The following NEK3 variants were observed in gnomAD, a reference collection of about 807,000 sequenced individuals.
NEK3 encodes serine/threonine-protein kinase Nek3.
A neutral mutation model predicts 66.0 loss-of-function variants in NEK3; 54 were observed. The observed-to-expected ratio is 0.82, with a 90% CI of 0.66 to 1.03. The LOEUF is 1.03. NEK3 is among the 50% of genes least tolerant of loss of function. NEK3 has a pLI of 0.00. For synonymous variants in NEK3, 200 were observed against 206.2 expected, an observed-to-expected ratio of 0.97 and a Z score of 0.26; for missense variants, 593 against 603.0, an observed-to-expected ratio of 0.98 and a Z score of 0.17.
chr13:52,153,999 C>T lies in NEK3; in HGVS notation c.212-7G>A, dbSNP rs551509121. ...ATATACAAGTGTCCTTCAGCTAAAA[C>T]AGATATAAGCTCTTTAGAAAAGCTG... is the stretch of plus-strand genomic sequence containing the variant. On this transcript the variant is annotated splice_polypyrimidine_tract_variant and splice_region_variant and intron_variant, in intron 3 of 15. Transcript: ENST00000610828. The T allele has an allele frequency of 5.0e-6, 8 of 1,608,892 alleles. No individual in the cohort carries two copies. The highest frequency in any genetic ancestry group is 1.7e-4 in the Middle Eastern group (1 of 6,042).
In NEK3 at chr13:52,144,789, G is replaced by A. The variant is rs769992143; in HGVS notation, c.706C>T (p.Gln236Ter). 1 of 1,613,594 alleles carries A rather than the reference G, an allele frequency of 6.2e-7. No homozygotes were observed. The highest frequency in any genetic ancestry group is 8.5e-7 in the Non-Finnish European group (1 of 1,179,658). The part of the protein sequence containing the change: ...YSYELQFLVK[Q>*]MFKRNPSHRP... ...TGTGAGGGATTCCTTTTAAACATCTGCTTGACTAGGAACTGAAGTTCATAG... is the reference window on the plus strand; with the variant it reads ...TGTGAGGGATTCCTTTTAAACATCTACTTGACTAGGAACTGAAGTTCATAG... The change falls in exon 9 of 16, where the codon CAG becomes TAG. Residue 236 changes from glutamine to a stop codon, truncating the protein, a stop_gained. Coordinates refer to ENST00000610828, the MANE Select transcript of NEK3 (RefSeq NM_002498.3). LOFTEE classifies it high-confidence loss of function.
At chr13:52,157,201 A>C (rs1956402813) in intron 1 of NEK3, 1 of 152,230 alleles carries the variant, frequency 6.6e-6, no homozygotes, top group Admixed American at 6.5e-5. Context: ...ATTCACTCAG[A>C]TTGCAGATTA....
At chr13:52,136,057 T>C (rs1024249125) in intron 13 of NEK3, 59 bp downstream of exon 13, 49 of 1,593,356 alleles carry the variant, frequency 3.1e-5, no homozygotes, top group Non-Finnish European at 3.8e-5. Flanking sequence ...CTAAGTGCAC[T>C]AAGTAACTAT....
At chr13:52,142,113 TA>T (rs1033245550) in intron 10 of NEK3, among the ~76,000 whole-genome samples, 2 of 151,362 alleles carry the variant, frequency 1.3e-5, no homozygotes, top group East Asian at 3.9e-4. Context: ...AAAGTTAATT[TA>T]AAAAAAACCC....
chr13:52,138,597 G>C lies in NEK3; in HGVS notation c.928-1695C>G, dbSNP rs184482269. On this transcript the variant is annotated intron_variant, in intron 11 of 15. Transcript: ENST00000610828. ...TAATTACTAGTACATTCCATGAAGA[G>C]AGCAATTTGTTGTCATACAACATCT... is the stretch of plus-strand genomic sequence containing the variant. Among the ~76,000 whole-genome samples, 136 of 152,280 alleles carry C rather than the reference G, an allele frequency of 8.9e-4. No homozygotes were observed. The East Asian group carries it at 0.015, about 17-fold the overall frequency.
chr13:52,151,395 G>A lies in NEK3; in HGVS notation c.394-3C>T. The A allele has an allele frequency of 6.3e-7, 1 of 1,576,364 alleles. No homozygotes were observed. Among genetic ancestry groups the A allele is most frequent in the Non-Finnish European group, 8.6e-7 (1 of 1,160,144 alleles). ...CCATTCTGAGTGAGGAAGATATTCT[G>A]CATTTAAAAAGAAAAGCTCAGATTA... On this transcript the variant is annotated splice_region_variant and splice_polypyrimidine_tract_variant and intron_variant, in intron 5 of 15. Coordinates refer to ENST00000610828, the MANE Select transcript of NEK3 (RefSeq NM_002498.3).
intron 14 of NEK3, among the ~76,000 whole-genome samples, chr13:52,134,362 G>A (rs113222979): frequency 1.3e-5 from 2 of 151,970 alleles, no homozygotes; most frequent in African/African-American, 4.8e-5. Context: ...AAAAAAACTC[G>A]GAAAATTGCC....
intron 10 of NEK3, among the ~76,000 whole-genome samples, chr13:52,141,498 CAGG>C (rs1350739066): frequency 6.6e-6 from 1 of 152,134 alleles, no homozygotes; most frequent in Non-Finnish European, 1.5e-5. Context: ...AAGAGACCAG[CAGG>C]AGGAGTCAGG....
Position 52,133,767 on chromosome 13 carries a change from G to A in NEK3, c.1358C>T (p.Ser453Leu), listed in dbSNP as rs374987164. 1,633 of 1,593,054 alleles carry A rather than the reference G, an allele frequency of 1.0e-3. 38 individuals carry two copies. In the South Asian group the frequency reaches 0.017, roughly 17 times the overall value. The change falls in exon 15 of 16, where the codon TCG becomes TTG. Residue 453 changes from serine to leucine, a missense_variant. By Grantham distance (145) the Ser-to-Leu change is moderately radical (BLOSUM62 -2). Coordinates refer to ENST00000610828, the MANE Select transcript of NEK3 (RefSeq NM_002498.3). ...ATCGTGACCTCCATCAACACTGTCC[G>A]ATGCTTCTGTTTCTTCAGACAGGGG... Reference protein sequence around the residue: ...KGPLSEETEASDSVDGGHDSV... With the variant: ...KGPLSEETEALDSVDGGHDSV...
chr13:52,139,967 C>T (rs756690874), intron 11 of NEK3, among the ~76,000 whole-genome samples: 2 of 148,460 alleles, frequency 1.3e-5, no homozygotes, highest in African/African-American at 5.0e-5. Flanking sequence ...TTTAAGAGGC[C>T]GAGGCGGGAG....
At chr13:52,149,070 G>A (rs1395114084) in intron 7 of NEK3, among the ~76,000 whole-genome samples, 6 of 148,146 alleles carry the variant, frequency 4.1e-5, no homozygotes, top group Non-Finnish European at 6.0e-5. Flanking sequence ...TTTTTTTTTT[G>A]TATTTGTTTT....
chr13:52,137,125 A>G (rs550155519), intron 11 of NEK3, among the ~76,000 whole-genome samples: 1 of 152,148 alleles, frequency 6.6e-6, no homozygotes, highest in African/African-American at 2.4e-5. Context: ...ATACATGTAT[A>G]TATTAATAGA....
At chr13:52,138,603 T>A (rs61957235) in intron 11 of NEK3, among the ~76,000 whole-genome samples, 3,382 of 152,268 alleles carry the variant, frequency 0.022, 67 homozygotes, top group Middle Eastern at 0.037. Flanking sequence ...AAGAGAGCAA[T>A]TTGTTGTCAT....
chr13:52,154,971 GA>G (rs1249098479), intron 2 of NEK3, among the ~76,000 whole-genome samples: 3 of 151,398 alleles, frequency 2.0e-5, no homozygotes, highest in African/African-American at 2.4e-5. Flanking sequence ...TTTTAAAAAA[GA>G]AAGAAAAGAA....
intron 4 of NEK3, among the ~76,000 whole-genome samples, chr13:52,153,104 T>C (rs1268222107): frequency 6.6e-6 from 1 of 152,156 alleles, no homozygotes; most frequent in African/African-American, 2.4e-5. Flanking sequence ...AAAGATTTCA[T>C]TATATCATAA....
chr13:52,135,765 T>C lies in NEK3; in HGVS notation c.1273A>G (p.Ser425Gly). The C allele has an allele frequency of 1.9e-6, 3 of 1,613,518 alleles. No individual in the cohort carries two copies. Among genetic ancestry groups the C allele is most frequent in the Non-Finnish European group, 2.5e-6 (3 of 1,179,568 alleles). ...LLNILKNADL[S>G]LAFQTYTIYR... is the part of the protein sequence containing the mutation. ...ATTGTGTATGTTTGAAAAGCCAAGC[T>C]GAGATCAGCATTCTTAAGGATGTTC... Residue 425 changes from serine to glycine, a missense_variant, in exon 14 of 16, where the codon AGC (serine) becomes GGC (glycine). Transcript: ENST00000610828.
intron 7 of NEK3, among the ~76,000 whole-genome samples, chr13:52,148,736 C>T (rs17482550): frequency 0.018 from 2,731 of 152,210 alleles, 79 homozygotes; most frequent in Admixed American, 0.082. Flanking sequence ...GGAATATTTG[C>T]GGACTCAGAT....
chr13:52,135,900 A>G, intron 13 of NEK3, 37 bp from the exon 14 acceptor site: 1 of 1,596,022 alleles, frequency 6.3e-7, no homozygotes, highest in Non-Finnish European at 8.5e-7. Flanking sequence ...GCTGAATAAA[A>G]AAAGATTTTT....
Position 52,136,158 on chromosome 13 carries a change from C to T in NEK3, c.1132G>A (p.Ala378Thr). The change falls in exon 13 of 16, where the codon GCA (alanine) becomes ACA (threonine). Residue 378 changes from alanine to threonine, a missense_variant. Physicochemically the swap from Ala to Thr is moderately conservative, Grantham distance 58. Coordinates refer to ENST00000610828, the MANE Select transcript of NEK3 (RefSeq NM_002498.3). ...GTTAAACTGGAGGTGAGTATGGATG[C>T]ATTTTCCAAAGCTGTAAGAGCTGTA... is the stretch of plus-strand genomic sequence containing the variant. ...PNTALTALEN[A>T]SILTSSLTAE... 1 of 1,613,782 alleles carries T rather than the reference C, an allele frequency of 6.2e-7. No homozygotes were observed. The highest frequency in any genetic ancestry group is 8.5e-7 in the Non-Finnish European group (1 of 1,179,732).
Sources: allele counts gnomAD v4.1 joint callset (sites outside exome capture counted in the v4.1 genomes callset), GRCh38; gene constraint gnomAD v4.1.1; transcripts MANE v1.5; gene names NCBI Gene and HGNC (gene_info 2026-07-23, HGNC 2026-07-21).